Variants in COL19A1 observed in about 807,000 individuals in gnomAD.
COL19A1 encodes the protein collagen type XIX alpha 1 chain, also known as collagen alpha-1(XIX) chain.
Under a neutral mutation model 190.2 loss-of-function variants are expected in COL19A1, and 159 were observed. The observed-to-expected ratio is 0.84, with a 90% confidence interval of 0.73 to 0.95. The LOEUF is 0.95. Ranked by LOEUF, COL19A1 falls within the 40% of genes least tolerant of loss-of-function variation. The pLI is 0.00. For synonymous variants in COL19A1, 509 were observed against 458.9 expected (o/e 1.11, Z -1.39); for missense variants, 1,418 against 1,431.9 (o/e 0.99, Z 0.16).
chr6:70,168,184 T>C lies in COL19A1; in HGVS notation c.2510T>C (p.Val837Ala). 6.2e-7 allele frequency: 1 copy of C among 1,613,350 alleles called. No individual in the cohort carries two copies. Among genetic ancestry groups the C allele is most frequent in the Non-Finnish European group, 8.5e-7 (1 of 1,179,592 alleles). ...SLYKIKGGVNVPSYPGPPGPP... is the reference protein window; with the variant it reads ...SLYKIKGGVNAPSYPGPPGPP... ...TTTCTTTTGAAGGGAGGTGTGAATG[T>C]TCCCAGTTACCCAGGGCCACCCGGT... The change falls in exon 39 of 51, where the codon GTT becomes GCT. Residue 837 changes from valine (V) to alanine (A), a missense_variant. Transcript: ENST00000620364.
chr6:69,947,787 A>T (rs1358224807), intron 9 of COL19A1, among the ~76,000 whole-genome samples: 1 of 151,882 alleles, frequency 6.6e-6, no homozygotes, highest in Non-Finnish European at 1.5e-5. Flanking sequence ...TGATGGCTTC[A>T]TTGATGCTAC....
chr6:69,921,434 A>ATCATATATCATATATATTCATATAT lies in COL19A1; in HGVS notation c.267-6467_267-6466insCATATATATTCATATATTCATATAT, dbSNP rs1561998214. On this transcript the variant is annotated intron_variant, in intron 4 of 50. Transcript: ENST00000620364. ...ATCATATATCATATATATCATATAT[A>ATCATATATCATATATATTCATATAT]TCATATATATCATATATCATATATA... Among the ~76,000 whole-genome samples, 8 of 78,496 alleles carry ATCATATATCATATATATTCATATAT rather than the reference A, an allele frequency of 1.0e-4. 1 individual carries two copies. The highest frequency in any genetic ancestry group is 5.8e-4 in the African/African-American group (8 of 13,842). The allele number at this position is 78,496 out of a possible 152,430, so 51.5% of individuals were successfully genotyped here. A position where few individuals can be genotyped will look rare whatever the true frequency, so the allele number is the denominator to read the frequency against.
chr6:70,149,705 G>T lies in COL19A1; in HGVS notation c.1895G>T (p.Gly632Val). 1 of 1,613,490 alleles carries T rather than the reference G, an allele frequency of 6.2e-7. No individual in the cohort carries two copies. The highest frequency in any genetic ancestry group is 1.1e-5 in the South Asian group (1 of 91,052). ...PQGIGIPGRT[G>V]AQGPAGEPGI... ...TAATAAAATCTCATTTGTACTCAGG[G>T]CGCCCAAGGACCAGCTGGAGAGCCA... The change falls in exon 28 of 51, where the codon GGC (glycine) becomes GTC (valine). Residue 632 changes from glycine (G) to valine (V), a missense_variant and splice_region_variant. Transcript: ENST00000620364.
chr6:70,202,571 T>C (rs949557202), intron 49 of COL19A1, among the ~76,000 whole-genome samples: 1 of 152,178 alleles, frequency 6.6e-6, no homozygotes, highest in African/African-American at 2.4e-5. Context: ...TTATTATCTT[T>C]AGGAAAGGAC....
chr6:69,918,983 C>A (rs551316251), intron 4 of COL19A1, among the ~76,000 whole-genome samples: 6 of 152,242 alleles, frequency 3.9e-5, no homozygotes, highest in Non-Finnish European at 8.8e-5. Context: ...GTATGTAAGT[C>A]CAGAGCACAG....
In COL19A1 at chr6:70,184,695, C is replaced by A; in HGVS notation, c.2776-8C>A. 1 of 1,577,374 alleles carries A rather than the reference C, an allele frequency of 6.3e-7. No individual in the cohort carries two copies. The highest frequency in any genetic ancestry group is 1.2e-5 in the South Asian group (1 of 86,918). On this transcript the variant is annotated splice_region_variant and splice_polypyrimidine_tract_variant and intron_variant, in intron 44 of 50. Transcript: ENST00000620364. ...AGTTAGAAATATTAATCCTTTTTTTCTTTATAGGGAATAAATGGAAAAGAT... is the reference window on the plus strand; with the variant it reads ...AGTTAGAAATATTAATCCTTTTTTTATTTATAGGGAATAAATGGAAAAGAT...
chr6:70,084,535 G>A lies in COL19A1; in HGVS notation c.1224+16059G>A, dbSNP rs142615056. Among the ~76,000 whole-genome samples the A allele has an allele frequency of 9.8e-4, 149 of 152,288 alleles. 9 individuals carry two copies. Among genetic ancestry groups the A allele is most frequent in the Non-Finnish European group, 7.4e-5 (5 of 68,014 alleles). ...ACCAATGTAGAGGAAAATCAGTGTC[G>A]TCAGAGAGAAGCCTGATACTGACAC... On this transcript the variant is annotated intron_variant, in intron 15 of 50. Coordinates refer to ENST00000620364, the MANE Select transcript of COL19A1 (RefSeq NM_001858.6).
At chr6:69,884,256 A>T (rs569610657) in intron 2 of COL19A1, among the ~76,000 whole-genome samples, 7 of 151,674 alleles carry the variant, frequency 4.6e-5, no homozygotes, top group Admixed American at 4.6e-4. Context: ...AATCACTTGA[A>T]CCCAGGAGGC....
intron 12 of COL19A1, among the ~76,000 whole-genome samples, chr6:70,025,829 A>T (rs1778703639): frequency 6.6e-6 from 1 of 152,258 alleles, no homozygotes; most frequent in Admixed American, 6.5e-5. Context: ...AGCTAGAATA[A>T]CAGATGTGGA....
intron 4 of COL19A1, among the ~76,000 whole-genome samples, chr6:69,904,116 C>A (rs1312415527): frequency 6.6e-6 from 1 of 152,176 alleles, no homozygotes; most frequent in East Asian, 1.9e-4. Flanking sequence ...GAGCCAAAAT[C>A]ACTCGGGGGC....
intron 47 of COL19A1, among the ~76,000 whole-genome samples, chr6:70,190,035 T>C (rs555653655): frequency 6.6e-6 from 1 of 152,364 alleles, no homozygotes; most frequent in East Asian, 1.9e-4. Context: ...CTTCCCTAAC[T>C]GTATAAAGCC....
intron 1 of COL19A1, among the ~76,000 whole-genome samples, chr6:69,874,165 G>C (rs1189111609): frequency 6.6e-6 from 1 of 152,150 alleles, no homozygotes; most frequent in Non-Finnish European, 1.5e-5. Context: ...AGAGCATCAA[G>C]AAGAAGCCTG....
chr6:70,137,860 C>A lies in COL19A1; in HGVS notation c.1446+113C>A, dbSNP rs1029692273. The stretch of plus-strand genomic sequence containing the variant: ...CCTTGGTTGATCCTGTCATGGGAAA[C>A]AACAGATCAGATCTTCAAGCAAGTA... On this transcript the variant is annotated intron_variant, in intron 19 of 50. Coordinates refer to ENST00000620364, the MANE Select transcript of COL19A1 (RefSeq NM_001858.6). 26 of 942,872 alleles carry A rather than the reference C, an allele frequency of 2.8e-5. No homozygotes were observed. The South Asian group carries it at 3.7e-4, about 13-fold the overall frequency. The allele number at this position is 942,872 out of a possible 1,614,324, so 58.4% of individuals were successfully genotyped here. A position where few individuals can be genotyped will look rare whatever the true frequency, so the allele number is the denominator to read the frequency against.
Position 70,209,033 on chromosome 6 carries a change from G to T in COL19A1, c.*1759G>T, listed in dbSNP as rs1768045215. ...TATTTATTGTAAGCATTTTGACATT[G>T]ATTTTTTTTTTTTCGTTTTCTTTCT... is the stretch of plus-strand genomic sequence containing the variant. On this transcript the variant is annotated 3_prime_UTR_variant, in exon 51 of 51. Transcript: ENST00000620364. 1 of 151,598 alleles carries T rather than the reference G, an allele frequency of 6.6e-6. No individual in the cohort carries two copies. The highest frequency in any genetic ancestry group is 1.5e-5 in the Non-Finnish European group (1 of 67,774). The allele number at this position is 151,598 out of a possible 1,614,324, so 9.4% of individuals were successfully genotyped here. A position where few individuals can be genotyped will look rare whatever the true frequency, so the allele number is the denominator to read the frequency against.
At chr6:70,107,750 ATTCC>A (rs1784060054) in intron 16 of COL19A1, among the ~76,000 whole-genome samples, 1 of 152,212 alleles carries the variant, frequency 6.6e-6, no homozygotes, top group African/African-American at 2.4e-5. Context: ...TCCAAAAGTT[ATTCC>A]CAATTAGGTA....
chr6:69,875,428 A>C (rs2487437), intron 1 of COL19A1, among the ~76,000 whole-genome samples: 15,768 of 152,272 alleles, frequency 0.1, 888 homozygotes, highest in Middle Eastern at 0.14. Flanking sequence ...CTCTACTGCT[A>C]TGTAGAGAAT....
chr6:69,932,831 C>G lies in COL19A1; in HGVS notation c.715C>G (p.Gln239Glu). Residue 239 changes from glutamine (Q) to glutamate (E), a missense_variant, in exon 7 of 51, where the codon CAA becomes GAA. Transcript: ENST00000620364. ...KIYCSANLIA[Q>E]ETCCEISDTK... ...CTACTGCAGTGCAAACCTCATAGCT[C>G]AAGAAACATGTTGTGAAATATCAGA... is the stretch of plus-strand genomic sequence containing the variant. 6.2e-7 allele frequency: 1 copy of G among 1,608,518 alleles called. No individual in the cohort carries two copies.
At chr6:69,927,845 C>G in intron 4 of COL19A1, 64 bp from the exon 5 acceptor site, 1 of 1,549,566 alleles carries the variant, frequency 6.5e-7, no homozygotes, top group South Asian at 1.2e-5. Context: ...GAACTTTATA[C>G]CTAGATTTTA....
At chr6:70,064,472 G>C (rs1270767141) in intron 14 of COL19A1, among the ~76,000 whole-genome samples, 1 of 152,078 alleles carries the variant, frequency 6.6e-6, no homozygotes. Flanking sequence ...AAAATAATAA[G>C]AGCTATTTAT....
Sources: allele counts gnomAD v4.1 joint callset (sites outside exome capture counted in the v4.1 genomes callset), GRCh38; gene constraint gnomAD v4.1.1; transcripts MANE v1.5; gene names NCBI Gene and HGNC (gene_info 2026-07-23, HGNC 2026-07-21).